Variants in TTC39B observed in about 807,000 individuals in gnomAD.
TTC39B encodes tetratricopeptide repeat domain 39B, also known as tetratricopeptide repeat protein 39B.
A neutral mutation model predicts 96.6 loss-of-function variants in TTC39B; 92 were observed. The observed-to-expected ratio is 0.95, with a 90% confidence interval of 0.80 to 1.13. The LOEUF is 1.13. Among genes scored for constraint, TTC39B ranks in the 50% most tolerant of loss-of-function variants. The pLI is 0.00. For synonymous variants in TTC39B, 367 were observed against 299.4 expected (o/e 1.23, Z -2.33); for missense variants, 955 against 809.3 (o/e 1.18, Z -2.18).
chr9:15,239,167 C>T (rs1821922765), intron 2 of TTC39B, among the ~76,000 whole-genome samples: 1 of 151,676 alleles, frequency 6.6e-6, no homozygotes, highest in Non-Finnish European at 1.5e-5. Context: ...AAAAAAAATG[C>T]TCAACATCAC....
chr9:15,234,317 A>G (rs1359362618), intron 2 of TTC39B, among the ~76,000 whole-genome samples: 3 of 143,658 alleles, frequency 2.1e-5, no homozygotes, highest in Non-Finnish European at 3.1e-5. Flanking sequence ...TCGGGGGGTC[A>G]GCCCCCCGCC....
intron 1 of TTC39B, among the ~76,000 whole-genome samples, chr9:15,298,822 AC>A (rs1302016802): frequency 2.0e-5 from 3 of 151,606 alleles, no homozygotes; most frequent in African/African-American, 7.3e-5. Context: ...GATTCCTGAC[AC>A]TCCACCTGTC....
intron 2 of TTC39B, among the ~76,000 whole-genome samples, chr9:15,230,176 A>G (rs1821345356): frequency 6.6e-6 from 1 of 152,206 alleles, no homozygotes; most frequent in African/African-American, 2.4e-5. Context: ...ACATTGGAAT[A>G]TATGCCCTTA....
At chr9:15,279,368 G>A (rs181528549) in intron 1 of TTC39B, among the ~76,000 whole-genome samples, 1 of 152,328 alleles carries the variant, frequency 6.6e-6, no homozygotes, top group African/African-American at 2.4e-5. Context: ...GGAAGAGGCA[G>A]TTCCCAAAGA....
rs926556769 is a variant in TTC39B, at chr9:15,172,235, T to A, written c.1959-126A>T. On this transcript the variant is annotated intron_variant, in intron 19 of 19. Transcript: ENST00000512701. ...ACTCTAATATACATAACCGTAGATC[T>A]TAGTAAAATGCAGATTCTGGTTCTG... is the stretch of plus-strand genomic sequence containing the variant. The A allele has an allele frequency of 7.4e-6, 4 of 540,452 alleles. No homozygotes were observed. The African/African-American group carries it at 7.8e-5, about 11-fold the overall frequency. 33.5% of individuals were successfully genotyped at this position (540,452 alleles called of 1,614,324 possible).
At chr9:15,209,675 T>G (rs1360937317) in intron 6 of TTC39B, among the ~76,000 whole-genome samples, 1 of 152,180 alleles carries the variant, frequency 6.6e-6, no homozygotes, top group East Asian at 1.9e-4. Flanking sequence ...CCATTATTCA[T>G]ATCAGTGAAA....
At chr9:15,202,055 G>A (rs905578163) in intron 7 of TTC39B, among the ~76,000 whole-genome samples, 3 of 152,134 alleles carry the variant, frequency 2.0e-5, no homozygotes, top group Non-Finnish European at 4.4e-5. Flanking sequence ...AGGAAGAGAC[G>A]GAGCTGCACA....
chr9:15,258,174 G>C (rs890628055), intron 2 of TTC39B, among the ~76,000 whole-genome samples: 3 of 152,198 alleles, frequency 2.0e-5, no homozygotes, highest in Admixed American at 6.5e-5. Context: ...CCATTAGCCA[G>C]CTCTTAAAGT....
intron 8 of TTC39B, among the ~76,000 whole-genome samples, chr9:15,193,574 T>C (rs1818981002): frequency 6.6e-6 from 1 of 152,198 alleles, no homozygotes; most frequent in South Asian, 2.1e-4. Context: ...AGAGAGTCAA[T>C]TCAGATGCCT....
At chr9:15,210,049 A>G (rs1311020604) in intron 6 of TTC39B, 39 bp downstream of exon 6, 4 of 1,424,616 alleles carry the variant, frequency 2.8e-6, no homozygotes, top group African/African-American at 1.4e-5. Context: ...TTTAACTATT[A>G]AAATCAAGGA....
At chr9:15,246,377 A>T (rs948186197) in intron 2 of TTC39B, among the ~76,000 whole-genome samples, 2 of 152,160 alleles carry the variant, frequency 1.3e-5, no homozygotes. Context: ...CAAAAATTCA[A>T]ATCTAACTCT....
At chr9:15,190,500 C>G in intron 11 of TTC39B, 54 bp downstream of exon 11, 1 of 1,525,356 alleles carries the variant, frequency 6.6e-7, no homozygotes, top group Non-Finnish European at 9.1e-7. Context: ...TGTAACACAC[C>G]ATGTCTGGCC....
intron 16 of TTC39B, among the ~76,000 whole-genome samples, chr9:15,182,936 T>C: frequency 6.6e-6 from 1 of 152,230 alleles, no homozygotes. Context: ...AAAAGCCATA[T>C]GGCTGAATGA....
chr9:15,166,395 T>A (rs1166164398), exon 20 of TTC39B: 1 of 152,150 alleles, frequency 6.6e-6, no homozygotes, highest in Non-Finnish European at 1.5e-5. Flanking sequence ...GATCCACCTA[T>A]CTCCTCTGGA....
Position 15,204,245 on chromosome 9 carries a change from T to C in TTC39B, c.692-355A>G, listed in dbSNP as rs538849402. 1.3e-4 allele frequency among the ~76,000 whole-genome samples: 20 copies of C among 152,284 alleles called. 1 individual carries two copies. The East Asian group carries it at 2.9e-3, about 22-fold the overall frequency. On this transcript the variant is annotated intron_variant, in intron 6 of 19. Transcript: ENST00000512701. ...TTAACTTAATTAGTAACATAAAACT[T>C]TGGCTGTGCGTGGTGGTTTACGCCT...
intron 11 of TTC39B, 140 bp from the exon 12 acceptor site, chr9:15,189,932 G>C (rs907173003): frequency 6.2e-6 from 4 of 647,896 alleles, no homozygotes; most frequent in Non-Finnish European, 1.1e-5. Context: ...TTTATATCTG[G>C]GGAATAAAAT....
At chr9:15,273,083 T>C (rs1823414599) in intron 1 of TTC39B, among the ~76,000 whole-genome samples, 1 of 152,192 alleles carries the variant, frequency 6.6e-6, no homozygotes, top group South Asian at 2.1e-4. Context: ...ATATTCTGAG[T>C]AGCAAAAATG....
At chr9:15,281,458 G>A (rs570868823) in intron 1 of TTC39B, among the ~76,000 whole-genome samples, 1 of 151,904 alleles carries the variant, frequency 6.6e-6, no homozygotes, top group South Asian at 2.1e-4. Context: ...TCCCTCTCTT[G>A]GTATCTATCC....
chr9:15,306,947 C>A lies in TTC39B; in HGVS notation c.240+137G>T. The A allele has an allele frequency of 7.6e-7, 1 of 1,318,300 alleles. No individual in the cohort carries two copies. The highest frequency in any genetic ancestry group is 1.0e-6 in the Non-Finnish European group (1 of 976,744). 81.7% of individuals were successfully genotyped at this position (1,318,300 alleles called of 1,614,324 possible). A position where few individuals can be genotyped will look rare whatever the true frequency, so the allele number is the denominator to read the frequency against. ...GACCTACCAAGGCCGGGCGCCCCCA[C>A]CCGGCGCCCGCCAGCCCACCCCAGA... On this transcript the variant is annotated intron_variant, in intron 1 of 19. Coordinates refer to ENST00000512701, the Ensembl canonical transcript of TTC39B. This position sits in a 1 kb window ranked among gnomAD's most constrained non-coding sequence, Gnocchi z 5.1.
Sources: allele counts gnomAD v4.1 joint callset (sites outside exome capture counted in the v4.1 genomes callset), GRCh38; gene constraint gnomAD v4.1.1; non-coding constraint Gnocchi (gnomAD v3.1); transcripts MANE v1.5; gene names NCBI Gene and HGNC (gene_info 2026-07-23, HGNC 2026-07-21).